Variants in FSHR observed in about 807,000 individuals in gnomAD.
The protein encoded by FSHR is follicle-stimulating hormone receptor.
FSHR carries 46 observed loss-of-function variants against 52.1 expected under a neutral mutation model. That is an observed-to-expected ratio of 0.88 (90% CI 0.70 to 1.13). The LOEUF (loss-of-function observed/expected upper bound fraction) is 1.13, where lower values mean the gene tolerates loss of function less well. FSHR is among the 50% of genes most tolerant of loss of function. FSHR has a pLI of 0.00. For missense variants in FSHR, 964 were observed against 834.6 expected (o/e 1.16, Z -1.91); for synonymous variants, 399 against 309.6 (o/e 1.29, Z -3.03).
chr2:48,983,384 A>G (rs1272363153), intron 6 of FSHR, among the ~76,000 whole-genome samples: 1 of 152,214 alleles, frequency 6.6e-6, no homozygotes, highest in African/African-American at 2.4e-5. Flanking sequence ...TGTATTACCT[A>G]TTCAAAGGAT....
At chr2:49,011,800 T>G (rs1667284481) in intron 4 of FSHR, among the ~76,000 whole-genome samples, 1 of 152,096 alleles carries the variant, frequency 6.6e-6, no homozygotes, top group Non-Finnish European at 1.5e-5. Flanking sequence ...AGCTGCCTCT[T>G]GACTCCCTAC....
chr2:49,113,901 T>C (rs927469586), intron 1 of FSHR, among the ~76,000 whole-genome samples: 1 of 152,146 alleles, frequency 6.6e-6, no homozygotes, highest in Non-Finnish European at 1.5e-5. Flanking sequence ...CCTCCTGTCA[T>C]CCTCAAGAGA....
At chr2:49,011,446 C>A (rs573973761) in intron 4 of FSHR, among the ~76,000 whole-genome samples, 13 of 151,928 alleles carry the variant, frequency 8.6e-5, no homozygotes, top group Non-Finnish European at 1.5e-4. Flanking sequence ...GCTTGACTTC[C>A]AAGTATGTGG....
At chr2:49,043,160 A>G (rs548477965) in intron 2 of FSHR, among the ~76,000 whole-genome samples, 2 of 152,072 alleles carry the variant, frequency 1.3e-5, no homozygotes, top group Non-Finnish European at 2.9e-5. Flanking sequence ...AGTTTAAGGA[A>G]GGACTGAGAA....
At chr2:48,978,032 C>A (rs907151144) in intron 8 of FSHR, among the ~76,000 whole-genome samples, 3 of 152,082 alleles carry the variant, frequency 2.0e-5, no homozygotes, top group Admixed American at 2.0e-4. Flanking sequence ...TTGAAAAGAC[C>A]AGTGGATACC....
intron 2 of FSHR, chr2:49,059,737 A>G (rs895020006): frequency 5.9e-5 from 9 of 152,226 alleles, no homozygotes; most frequent in Non-Finnish European, 1.2e-4. Context: ...ATTCCTAAAT[A>G]TACGTCCAAA....
intron 1 of FSHR, among the ~76,000 whole-genome samples, chr2:49,086,874 T>A (rs1403417560): frequency 6.6e-6 from 1 of 152,116 alleles, no homozygotes; most frequent in Admixed American, 6.5e-5. Flanking sequence ...TCTCAGGTGA[T>A]CTGCCTGCCT....
intron 8 of FSHR, among the ~76,000 whole-genome samples, chr2:48,977,661 G>C (rs1169268291): frequency 3.9e-5 from 6 of 152,132 alleles, no homozygotes; most frequent in African/African-American, 4.8e-5. Flanking sequence ...TCATTGTACT[G>C]GGGAGTAACA....
At position 49,133,746 on chromosome 2, in the gene FSHR, G is replaced by A. The variant is rs558537661; in HGVS notation, c.152+20520C>T. ...ATATAGACCAATGGAACATAACAGA[G>A]CCCTCAGAAATAATACCATACATCT... On this transcript the variant is annotated intron_variant, in intron 1 of 9. Coordinates refer to ENST00000406846, the MANE Select transcript of FSHR (RefSeq NM_000145.4). 5.7e-4 allele frequency among the ~76,000 whole-genome samples: 87 copies of A among 152,166 alleles called. No homozygotes were observed. The Middle Eastern group carries it at 0.01, about 18-fold the overall frequency.
At chr2:49,149,373 C>T (rs554027653) in intron 1 of FSHR, among the ~76,000 whole-genome samples, 8 of 152,086 alleles carry the variant, frequency 5.3e-5, no homozygotes, top group South Asian at 2.1e-4. Flanking sequence ...GCAATAAAAA[C>T]GAATCCAAGA....
In FSHR at chr2:49,009,543, G is replaced by C. The variant is rs1667196391; in HGVS notation, c.374+7946C>G. Among the ~76,000 whole-genome samples the C allele has an allele frequency of 1.5e-5, 2 of 135,676 alleles. 1 individual carries two copies. The allele number at this position is 135,676 out of a possible 152,430, so 89.0% of individuals were successfully genotyped here. A position where few individuals can be genotyped will look rare whatever the true frequency, so the allele number is the denominator to read the frequency against. ...TTGGTTCCATATGAACTTTAAAGTA[G>C]TTTTTTCCAATTCTGTGAAGAAAGG... On this transcript the variant is annotated intron_variant, in intron 4 of 9. Coordinates refer to ENST00000406846, the MANE Select transcript of FSHR (RefSeq NM_000145.4).
intron 4 of FSHR, among the ~76,000 whole-genome samples, chr2:49,007,558 C>T (rs981569357): frequency 1.3e-5 from 2 of 152,016 alleles, no homozygotes; most frequent in Non-Finnish European, 2.9e-5. Context: ...TGTAGTTTTG[C>T]TTGTTGGAAG....
intron 2 of FSHR, among the ~76,000 whole-genome samples, chr2:49,062,117 G>GC (rs1669334697): frequency 6.6e-6 from 1 of 151,830 alleles, no homozygotes; most frequent in Non-Finnish European, 1.5e-5. Flanking sequence ...TACATCTTCA[G>GC]CAACCCTGAG....
At chr2:48,965,897 C>G (rs901270980) in intron 9 of FSHR, among the ~76,000 whole-genome samples, 3 of 152,158 alleles carry the variant, frequency 2.0e-5, no homozygotes, top group Non-Finnish European at 4.4e-5. Context: ...TTGGAAAATC[C>G]TAATTATCAT....
At chr2:49,147,398 G>A (rs1672907736) in intron 1 of FSHR, among the ~76,000 whole-genome samples, 1 of 152,044 alleles carries the variant, frequency 6.6e-6, no homozygotes. Flanking sequence ...AGTGGCTTTG[G>A]AGAAAGATAA....
intron 1 of FSHR, among the ~76,000 whole-genome samples, chr2:49,126,664 A>G (rs1401204204): frequency 6.6e-6 from 1 of 152,164 alleles, no homozygotes; most frequent in East Asian, 1.9e-4. Flanking sequence ...GGGACTGGGG[A>G]TCACTATGTT....
intron 1 of FSHR, among the ~76,000 whole-genome samples, chr2:49,092,858 G>T (rs1348970034): frequency 6.6e-6 from 1 of 152,016 alleles, no homozygotes; most frequent in Non-Finnish European, 1.5e-5. Flanking sequence ...TAGAGATGGG[G>T]TTTCACCATG....
At chr2:49,013,127 C>A (rs988164840) in intron 4 of FSHR, among the ~76,000 whole-genome samples, 3 of 151,186 alleles carry the variant, frequency 2.0e-5, no homozygotes, top group South Asian at 2.1e-4. Flanking sequence ...ATCTTCCCCC[C>A]CCACCCCCAC....
At chr2:49,094,023 A>G (rs929894241) in intron 1 of FSHR, among the ~76,000 whole-genome samples, 4 of 152,154 alleles carry the variant, frequency 2.6e-5, no homozygotes, top group Non-Finnish European at 5.9e-5. Context: ...ATTTAGGTCT[A>G]TCGCTTTCTA....
Sources: gnomAD v4.1 joint callset for allele counts (sites outside exome capture counted in the v4.1 genomes callset) on GRCh38, gnomAD v4.1.1 for gene constraint, MANE v1.5 for transcripts, NCBI Gene and HGNC (gene_info 2026-07-23, HGNC 2026-07-21) for gene names.